Variants in ICA1 observed in about 807,000 individuals in gnomAD.
ICA1 encodes the protein 69 kDa islet cell autoantigen.
ICA1 carries 40 observed loss-of-function variants against 71.0 expected under a neutral mutation model. The ratio of observed to expected loss-of-function variants is 0.56; its 90% confidence interval spans 0.44 to 0.73. The LOEUF is 0.73. Ranked by LOEUF, ICA1 falls within the 30% of genes least tolerant of loss-of-function variation. The pLI is 0.00. For synonymous variants in ICA1, 207 were observed against 209.5 expected (o/e 0.99, Z 0.10); for missense variants, 578 against 576.5 (o/e 1.00, Z -0.03).
At chr7:8,246,233 G>C (rs1178675113) in intron 1 of ICA1, among the ~76,000 whole-genome samples, 1 of 152,212 alleles carries the variant, frequency 6.6e-6, no homozygotes, top group East Asian at 1.9e-4. Context: ...AGCACAACTT[G>C]ATCGCATGAA....
intron 6 of ICA1, among the ~76,000 whole-genome samples, chr7:8,169,083 A>G (rs1169025964): frequency 6.6e-6 from 1 of 152,114 alleles, no homozygotes; most frequent in Non-Finnish European, 1.5e-5. Flanking sequence ...TTGTCTTTCT[A>G]CAGTTTCATA....
intron 7 of ICA1, 195 bp from the exon 8 acceptor site, chr7:8,157,409 C>T (rs1802021635): frequency 5.2e-6 from 3 of 580,216 alleles, no homozygotes; most frequent in Non-Finnish European, 8.7e-6. Context: ...TCCCCAAATG[C>T]TGCCTCCCAG....
intron 13 of ICA1, among the ~76,000 whole-genome samples, chr7:8,127,267 C>T (rs1789597264): frequency 6.6e-6 from 1 of 151,792 alleles, no homozygotes; most frequent in African/African-American, 2.4e-5. Flanking sequence ...GCTGGGATTA[C>T]AGGCATGAGC....
rs536718365 is a variant in ICA1 at position 8,176,015 on chromosome 7, T to A, written c.580-17363A>T. On this transcript the variant is annotated intron_variant, in intron 6 of 13. Coordinates refer to ENST00000402384, the MANE Select transcript of ICA1 (RefSeq NM_001136020.3). ...TATGGAGGGCCTCCTGTTTTACAAC[T>A]GTTTCATTCTGCAACTCCCCTCATT... 4.6e-5 allele frequency among the ~76,000 whole-genome samples: 7 copies of A among 152,340 alleles called. No homozygotes were observed. In the South Asian group the frequency reaches 1.0e-3, roughly 23 times the overall value.
At chr7:8,127,151 T>G (rs1251990901) in intron 13 of ICA1, among the ~76,000 whole-genome samples, 1 of 151,502 alleles carries the variant, frequency 6.6e-6, no homozygotes, top group Admixed American at 6.6e-5. Context: ...TACCTAAGTT[T>G]TTTTTTTTTT....
intron 5 of ICA1, 44 bp from the exon 6 acceptor site, chr7:8,218,547 A>C (rs1330541142): frequency 6.6e-7 from 1 of 1,522,942 alleles, no homozygotes; most frequent in African/African-American, 1.4e-5. Context: ...TAAGCCAGTG[A>C]GCAATTTAAA....
intron 3 of ICA1, among the ~76,000 whole-genome samples, chr7:8,229,008 C>A (rs1205091396): frequency 1.3e-5 from 2 of 151,700 alleles, no homozygotes; most frequent in Non-Finnish European, 2.9e-5. Flanking sequence ...AACCAGAGAC[C>A]CAATATTCAT....
In ICA1 at chr7:8,170,143, C is replaced by A. The variant is rs367918478; in HGVS notation, c.580-11491G>T. On this transcript the variant is annotated intron_variant, in intron 6 of 13. Coordinates refer to ENST00000402384, the MANE Select transcript of ICA1 (RefSeq NM_001136020.3). Reference sequence around the variant, plus strand: ...GTCCAAGCACCACTTCTTGAAAAACCGCCTTAACTTGGCTCTTTTGTGTAG... The same window carrying A: ...GTCCAAGCACCACTTCTTGAAAAACAGCCTTAACTTGGCTCTTTTGTGTAG... 2.6e-5 allele frequency among the ~76,000 whole-genome samples: 4 copies of A among 151,982 alleles called. No individual in the cohort carries two copies. In the East Asian group the frequency reaches 7.7e-4, roughly 29 times the overall value.
At chr7:8,125,673 G>A (rs1240410641) in intron 13 of ICA1, among the ~76,000 whole-genome samples, 14 of 152,188 alleles carry the variant, frequency 9.2e-5, no homozygotes. Context: ...CAGGACAGCA[G>A]ACAGCCTTGT....
chr7:8,121,005 C>T (rs1310168390), intron 13 of ICA1, among the ~76,000 whole-genome samples: 2 of 152,226 alleles, frequency 1.3e-5, no homozygotes, highest in Admixed American at 6.5e-5. Flanking sequence ...ACAGTTCCCC[C>T]TCAGGCCTAG....
rs1472509203 is a variant in ICA1, at chr7:8,113,629, C to T, written c.*294G>A. On this transcript the variant is annotated 3_prime_UTR_variant, in exon 14 of 14. Transcript: ENST00000402384. The surrounding 1 kb of genome is among the most constrained non-coding windows in gnomAD (Gnocchi z 4.2). ...GCTTCTGATTTCAACTTGGATCTCACGGTAGCCCAGTGACACCGCAGCAGC... is the reference window on the plus strand; with the variant it reads ...GCTTCTGATTTCAACTTGGATCTCATGGTAGCCCAGTGACACCGCAGCAGC... 8 of 249,064 alleles carry T rather than the reference C, an allele frequency of 3.2e-5. No homozygotes were observed. The highest frequency in any genetic ancestry group is 9.1e-5 in the East Asian group (1 of 10,930). The allele number at this position is 249,064 out of a possible 1,614,324, so 15.4% of individuals were successfully genotyped here.
chr7:8,239,953 T>A (rs1803209439), intron 1 of ICA1, among the ~76,000 whole-genome samples: 1 of 152,184 alleles, frequency 6.6e-6, no homozygotes, highest in African/African-American at 2.4e-5. Flanking sequence ...CTCTGTACAT[T>A]CCACCTCTGG....
intron 8 of ICA1, among the ~76,000 whole-genome samples, chr7:8,156,280 G>C (rs1270597999): frequency 6.6e-6 from 1 of 152,254 alleles, no homozygotes; most frequent in African/African-American, 2.4e-5. Context: ...TTAACGTCTT[G>C]TCAAGCAAGG....
intron 12 of ICA1, among the ~76,000 whole-genome samples, chr7:8,138,304 C>G (rs6970637): frequency 0.15 from 22,668 of 152,148 alleles, 1,834 homozygotes; most frequent in African/African-American, 0.19. Context: ...AGACTTACTA[C>G]AGTAAATCAC....
At chr7:8,228,348 T>C (rs1799260783) in intron 4 of ICA1, among the ~76,000 whole-genome samples, 1 of 152,122 alleles carries the variant, frequency 6.6e-6, no homozygotes, top group African/African-American at 2.4e-5. Flanking sequence ...GAAAACTCTT[T>C]TATAATTGGG....
At chr7:8,236,122 C>G in intron 1 of ICA1, 117 bp from the exon 2 acceptor site, 2 of 573,992 alleles carry the variant, frequency 3.5e-6, no homozygotes, top group Non-Finnish European at 6.1e-6. Context: ...GGGTCTAACA[C>G]TGTTACACAG....
At position 8,133,919 on chromosome 7, in the gene ICA1, G is replaced by C. The variant is rs560427040; in HGVS notation, c.1060+4921C>G. 2.1e-5 allele frequency among the ~76,000 whole-genome samples: 3 copies of C among 143,938 alleles called. No individual in the cohort carries two copies. In the East Asian group the frequency reaches 6.1e-4, roughly 29 times the overall value. The allele number at this position is 143,938 out of a possible 152,430, so 94.4% of individuals were successfully genotyped here. A position where few individuals can be genotyped will look rare whatever the true frequency, so the allele number is the denominator to read the frequency against. Reference sequence around the variant, plus strand: ...CTCCTCTAACTCACTTTACAGATAAGGAAAAAGACCCAGGTTAAATAACCT... The same window carrying C: ...CTCCTCTAACTCACTTTACAGATAACGAAAAAGACCCAGGTTAAATAACCT... On this transcript the variant is annotated intron_variant, in intron 12 of 13. Coordinates refer to ENST00000402384, the MANE Select transcript of ICA1 (RefSeq NM_001136020.3).
rs1482460718 is a variant in ICA1 at position 8,170,511 on chromosome 7, T to C, written c.580-11859A>G. Among the ~76,000 whole-genome samples, 4 of 152,018 alleles carry C rather than the reference T, an allele frequency of 2.6e-5. No homozygotes were observed. The East Asian group carries it at 7.7e-4, about 29-fold the overall frequency. Reference sequence around the variant, plus strand: ...GGATTTTTAAATTGTCTTGGCACTTTTTGGGTAGATTTTGGTGCACAGGTC... The same window carrying C: ...GGATTTTTAAATTGTCTTGGCACTTCTTGGGTAGATTTTGGTGCACAGGTC... On this transcript the variant is annotated intron_variant, in intron 6 of 13. Transcript: ENST00000402384.
intron 12 of ICA1, among the ~76,000 whole-genome samples, chr7:8,131,370 A>G: frequency 6.6e-6 from 1 of 152,242 alleles, no homozygotes. Flanking sequence ...ACTTGCAATC[A>G]GAAAACTTTT....
Sources: gnomAD v4.1 joint callset for allele counts (sites outside exome capture counted in the v4.1 genomes callset) on GRCh38, gnomAD v4.1.1 for gene constraint, Gnocchi (gnomAD v3.1) non-coding constraint, MANE v1.5 for transcripts, NCBI Gene and HGNC (gene_info 2026-07-23, HGNC 2026-07-21) for gene names.